KIT: variants seen among roughly 807,000 people sequenced by gnomAD.
KIT encodes the protein mast/stem cell growth factor receptor Kit.
In KIT, 16 loss-of-function variants were observed where a neutral mutation model predicts 105.7. The ratio of observed to expected loss-of-function variants is 0.15; its 90% CI spans 0.10 to 0.23. KIT has a LOEUF of 0.23. Ranked by LOEUF, KIT falls within the 10% of genes least tolerant of loss-of-function variation. KIT has a pLI of 1.00. For missense variants in KIT, 858 were observed against 1,213.8 expected (o/e 0.71, Z 4.36); for synonymous variants, 438 against 441.1 (o/e 0.99, Z 0.09).
chr4:54,698,376 A>G lies in KIT; in HGVS notation c.430A>G (p.Thr144Ala), dbSNP rs758120380. Residue 144 changes from threonine to alanine, a missense_variant, in exon 3 of 21, where the codon ACC becomes GCC. Around this residue, in one of 7 missense-constraint regions of KIT, gnomAD observed 401 missense variants for 601.0 expected, o/e 0.67. Transcript: ENST00000288135. ...CTGTCCTCTCACAGACCCAGAAGTG[A>G]CCAATTATTCCCTCAAGGGGTGCCA... ...VRCPLTDPEV[T>A]NYSLKGCQGK... The G allele has an allele frequency of 6.2e-7, 1 of 1,614,148 alleles. No homozygotes were observed. Among genetic ancestry groups the G allele is most frequent in the Non-Finnish European group, 8.5e-7 (1 of 1,180,004 alleles).
intron 1 of KIT, among the ~76,000 whole-genome samples, chr4:54,667,923 AC>A (rs760689558): frequency 6.6e-6 from 1 of 152,100 alleles, no homozygotes; most frequent in Non-Finnish European, 1.5e-5. Context: ...CCTTCTCCCT[AC>A]CGACCTTCCC....
chr4:54,707,350 A>C, intron 6 of KIT, 63 bp downstream of exon 6: 9 of 1,189,518 alleles, frequency 7.6e-6, no homozygotes, highest in Non-Finnish European at 1.1e-5. Context: ...GGCTTATCAG[A>C]TCTTATTTCT....
intron 4 of KIT, among the ~76,000 whole-genome samples, chr4:54,703,150 G>A (rs1720559117): frequency 6.6e-6 from 1 of 152,120 alleles, no homozygotes; most frequent in South Asian, 2.1e-4. Flanking sequence ...AAATAATTTG[G>A]GCCTTGTTCT....
intron 1 of KIT, among the ~76,000 whole-genome samples, chr4:54,673,595 CCTT>C (rs1343205547): frequency 6.6e-6 from 1 of 152,126 alleles, no homozygotes; most frequent in Non-Finnish European, 1.5e-5. Flanking sequence ...TCTCTTGGCT[CCTT>C]CTGAAATATT....
chr4:54,737,106 G>A (rs564308264), intron 19 of KIT, 69 bp from the exon 20 acceptor site: 18 of 981,412 alleles, frequency 1.8e-5, no homozygotes, highest in Non-Finnish European at 2.8e-5. Context: ...TGAAGTTGCT[G>A]GATGCCCATA....
At chr4:54,664,184 G>C (rs1717508183) in intron 1 of KIT, among the ~76,000 whole-genome samples, 1 of 152,048 alleles carries the variant, frequency 6.6e-6, no homozygotes, top group African/African-American at 2.4e-5. Context: ...TGTGGCTTCA[G>C]CTGAAAAAAA....
At chr4:54,683,898 G>A (rs1719121420) in intron 1 of KIT, among the ~76,000 whole-genome samples, 5 of 152,150 alleles carry the variant, frequency 3.3e-5, no homozygotes, top group Admixed American at 3.3e-4. Flanking sequence ...CAATGTTGAG[G>A]AATCTGAGTG....
At chr4:54,674,901 GGA>G (rs151128703) in intron 1 of KIT, among the ~76,000 whole-genome samples, 1 of 152,158 alleles carries the variant, frequency 6.6e-6, no homozygotes, top group African/African-American at 2.4e-5. Flanking sequence ...GAGTTCTGAA[GGA>G]GAGAGTGCTA....
intron 7 of KIT, among the ~76,000 whole-genome samples, chr4:54,722,110 C>A (rs1362255801): frequency 6.6e-6 from 1 of 152,040 alleles, no homozygotes; most frequent in African/African-American, 2.4e-5. Context: ...CTCAGCCTAC[C>A]GAGTAGCTGG....
At chr4:54,691,255 G>A (rs989102310) in intron 1 of KIT, among the ~76,000 whole-genome samples, 2 of 152,148 alleles carry the variant, frequency 1.3e-5, no homozygotes, top group African/African-American at 4.8e-5. Flanking sequence ...CTGTGCTAGA[G>A]GGAAAAGTAC....
rs75213880 is a variant in KIT at position 54,671,470 on chromosome 4, A to C, written c.67+13389A>C. ...TGGGTGTCAGTTGACAATTTCAATG[A>C]AATTAGCAGCATTAGGTCTATAGGT... On this transcript the variant is annotated intron_variant, in intron 1 of 20. Coordinates refer to ENST00000288135, the MANE Select transcript of KIT (RefSeq NM_000222.3). Among the ~76,000 whole-genome samples, 246 of 152,322 alleles carry C rather than the reference A, an allele frequency of 1.6e-3. 4 individuals carry two copies. In the East Asian group the frequency reaches 0.037, roughly 23 times the overall value.
intron 13 of KIT, 47 bp from the exon 14 acceptor site, chr4:54,729,288 A>G (rs2109785506): frequency 6.2e-7 from 1 of 1,603,486 alleles, no homozygotes; most frequent in Non-Finnish European, 8.5e-7. Flanking sequence ...GGCAGAATTA[A>G]TCTATATATC....
intron 8 of KIT, among the ~76,000 whole-genome samples, chr4:54,724,582 T>A (rs1315707752): frequency 6.6e-6 from 1 of 152,164 alleles, no homozygotes; most frequent in African/African-American, 2.4e-5. Flanking sequence ...GAGTGGCAAG[T>A]GTGTACCAGA....
At position 54,721,924 on chromosome 4, in the gene KIT, C is replaced by A. The variant is rs985060009; in HGVS notation, c.1232-1660C>A. ...TTAGAGTGGCAAATACAGTTCACTTCATTTGTAGTGAAATTGGTTATCCAA... is the reference window on the plus strand; with the variant it reads ...TTAGAGTGGCAAATACAGTTCACTTAATTTGTAGTGAAATTGGTTATCCAA... On this transcript the variant is annotated intron_variant, in intron 7 of 20. Coordinates refer to ENST00000288135, the MANE Select transcript of KIT (RefSeq NM_000222.3). 2.0e-5 allele frequency among the ~76,000 whole-genome samples: 3 copies of A among 152,134 alleles called. No individual in the cohort carries two copies. The South Asian group carries it at 6.2e-4, about 31-fold the overall frequency.
intron 17 of KIT, chr4:54,733,451 A>G: frequency 2.5e-6 from 1 of 399,846 alleles, no homozygotes; most frequent in South Asian, 2.3e-5. Context: ...CTTAATTTTC[A>G]TTATAGCCTG....
intron 16 of KIT, 47 bp downstream of exon 16, chr4:54,732,045 A>ATTTTTTTTTTTTTTTTTTTT (rs71662297): frequency 1.5e-5 from 13 of 888,848 alleles, no homozygotes; most frequent in Admixed American, 3.4e-5. Flanking sequence ...TGTTTTTTTG[A>ATTTTTTTTTTTTTTTTTTTT]TTTTTTTTTT....
chr4:54,689,872 C>T (rs1244264089), intron 1 of KIT, among the ~76,000 whole-genome samples: 2 of 152,062 alleles, frequency 1.3e-5, no homozygotes, highest in South Asian at 2.1e-4. Context: ...TGTCCATCCC[C>T]CACTGTACTC....
chr4:54,688,084 A>G (rs988310188), intron 1 of KIT, among the ~76,000 whole-genome samples: 4 of 152,058 alleles, frequency 2.6e-5, no homozygotes, highest in Non-Finnish European at 5.9e-5. Context: ...GAGTTGATTT[A>G]GTCTCCCCAC....
At position 54,681,643 on chromosome 4, in the gene KIT, C is replaced by T. The variant is rs986238729; in HGVS notation, c.68-13869C>T. ...CTGAGAAAGGTCCGTCTTTGAGTGT[C>T]GAATGATACTTGCATCTTCATAGTT... On this transcript the variant is annotated intron_variant, in intron 1 of 20. Transcript: ENST00000288135. Among the ~76,000 whole-genome samples the T allele has an allele frequency of 2.6e-5, 4 of 152,144 alleles. No individual in the cohort carries two copies. The South Asian group carries it at 6.2e-4, about 24-fold the overall frequency.
Sources: gnomAD v4.1 joint callset for allele counts (sites outside exome capture counted in the v4.1 genomes callset) on GRCh38, gnomAD v4.1.1 for gene constraint, gnomAD v4.1.1 regional missense constraint, MANE v1.5 for transcripts, NCBI Gene and HGNC (gene_info 2026-07-23, HGNC 2026-07-21) for gene names.